PHF19: variants seen among roughly 807,000 people sequenced by gnomAD.
PHF19 encodes the protein PHD finger protein 19.
A neutral mutation model predicts 79.8 loss-of-function variants in PHF19; 21 were observed. That is an observed-to-expected ratio of 0.26 (90% confidence interval 0.19 to 0.38). The LOEUF is 0.38. PHF19 is among the 10% of genes least tolerant of loss of function. PHF19 has a pLI of 1.00. For synonymous variants in PHF19, 273 were observed against 296.3 expected (o/e 0.92, Z 0.81); for missense variants, 445 against 744.2 (o/e 0.60, Z 4.68).
chr9:120,865,662 G>A (rs1210561600), intron 9 of PHF19, 48 bp downstream of exon 9: 1 of 1,611,954 alleles, frequency 6.2e-7, no homozygotes, highest in Non-Finnish European at 8.5e-7. Flanking sequence ...CGTGGCCCTG[G>A]GCAAACCTCT....
chr9:120,884,480 A>G (rs961271948), intron 1 of PHF19, among the ~76,000 whole-genome samples: 1 of 152,212 alleles, frequency 6.6e-6, no homozygotes. Context: ...GAAGGAGACA[A>G]GATATAACCA....
upstream of PHF19, among the ~76,000 whole-genome samples, chr9:120,881,149 G>GTTT (rs1182115413): frequency 3.0e-5 from 4 of 133,660 alleles, no homozygotes; most frequent in South Asian, 2.3e-4. Context: ...TCGGGGGTTT[G>GTTT]TTTTTTTTTT....
At chr9:120,872,152 T>C (rs191026817) in intron 3 of PHF19, among the ~76,000 whole-genome samples, 1 of 149,820 alleles carries the variant, frequency 6.7e-6, no homozygotes, top group African/African-American at 2.5e-5. Flanking sequence ...TTGTTGAATA[T>C]ATGGCCAGGC....
chr9:120,865,961 A>G (rs2045685695), intron 8 of PHF19, 67 bp downstream of exon 8: 3 of 1,556,404 alleles, frequency 1.9e-6, no homozygotes, highest in Non-Finnish European at 2.7e-6. Flanking sequence ...GAATTGTTCC[A>G]GGAGGGAGGA....
At chr9:120,868,519 C>G (rs1378601149) in intron 6 of PHF19, 1 of 152,876 alleles carries the variant, frequency 6.5e-6, no homozygotes, top group Non-Finnish European at 1.5e-5. Context: ...TGGGAGGATT[C>G]GCACTGTGTC....
At chr9:120,894,779 C>G in intron 1 of PHF19, 1 of 1,227,256 alleles carries the variant, frequency 8.1e-7, no homozygotes, top group Non-Finnish European at 1.0e-6. Context: ...GTCGATCTCC[C>G]GGACCCACCT....
In PHF19 at chr9:120,870,507, G is replaced by A; in HGVS notation, c.300C>T (p.Asn100=). ...AGVPGEEPKC[N]ICLGKTSGPL... is the part of the protein sequence containing the mutation. ...GCCCTGATGTCTTCCCTAGGCAGATGTTGCACTTGGGCTCCTCTCCTGGAA... is the reference window on the plus strand; with the variant it reads ...GCCCTGATGTCTTCCCTAGGCAGATATTGCACTTGGGCTCCTCTCCTGGAA... Residue 100 remains asparagine, a synonymous_variant, in exon 4 of 15, where the codon AAC becomes AAT. Coordinates refer to ENST00000373896, the MANE Select transcript of PHF19 (RefSeq NM_015651.3). This position sits in a 1 kb window ranked among gnomAD's most constrained non-coding sequence, Gnocchi z 4.4. 6.2e-7 allele frequency: 1 copy of A among 1,612,614 alleles called. No individual in the cohort carries two copies. Among genetic ancestry groups the A allele is most frequent in the Non-Finnish European group, 8.5e-7 (1 of 1,178,574 alleles).
chr9:120,872,168 C>T (rs574775035), intron 3 of PHF19, among the ~76,000 whole-genome samples: 63 of 150,512 alleles, frequency 4.2e-4, no homozygotes, highest in African/African-American at 1.0e-3. Context: ...CAGGCAGGAA[C>T]GTTGCCTCCT....
the PHF19 span, chr9:120,903,452 T>A: frequency 6.6e-6 from 1 of 152,314 alleles, no homozygotes; most frequent in East Asian, 1.9e-4. Flanking sequence ...CTCCGTCACC[T>A]CCTTTGATCC....
rs2045827773 is a variant in PHF19, at chr9:120,869,617, T to C, written c.465+228A>G. 2 of 1,506,804 alleles carry C rather than the reference T, an allele frequency of 1.3e-6. No homozygotes were observed. The highest frequency in any genetic ancestry group is 1.8e-6 in the Non-Finnish European group (2 of 1,124,722). 93.3% of individuals were successfully genotyped at this position (1,506,804 alleles called of 1,614,324 possible). ...TTTTTTAATAGTAAAGCATCATTTA[T>C]TGGTCCCGTTATTCCCGACACCAAA... On this transcript the variant is annotated intron_variant, in intron 5 of 14. Coordinates refer to ENST00000373896, the MANE Select transcript of PHF19 (RefSeq NM_015651.3). The surrounding 1 kb of genome is among the most constrained non-coding windows in gnomAD (Gnocchi z 5.8).
chr9:120,892,719 T>C (rs2046358574), intron 1 of PHF19, among the ~76,000 whole-genome samples: 1 of 152,216 alleles, frequency 6.6e-6, no homozygotes, highest in Admixed American at 6.5e-5. Context: ...TGACCACTCC[T>C]GTAAAATTTT....
intron 1 of PHF19, among the ~76,000 whole-genome samples, chr9:120,888,215 A>G (rs1327351440): frequency 6.6e-6 from 1 of 152,180 alleles, no homozygotes; most frequent in Non-Finnish European, 1.5e-5. Flanking sequence ...ACCTCAAATG[A>G]TCTGCCCATC....
intron 1 of PHF19, among the ~76,000 whole-genome samples, chr9:120,887,641 C>G (rs948716061): frequency 1.7e-4 from 21 of 124,518 alleles, no homozygotes; most frequent in African/African-American, 6.3e-4. Context: ...CACACACACA[C>G]ACACACACAC....
chr9:120,900,218 C>T, the PHF19 span, among the ~76,000 whole-genome samples: 1 of 152,254 alleles, frequency 6.6e-6, no homozygotes, highest in African/African-American at 2.4e-5. Flanking sequence ...AACTTCTGAC[C>T]TCAGGTTATC....
At chr9:120,881,830 C>T (rs530007230), upstream of PHF19, among the ~76,000 whole-genome samples, 20 of 152,310 alleles carry the variant, frequency 1.3e-4, no homozygotes, top group South Asian at 2.3e-3. Flanking sequence ...GGCACGATCT[C>T]GGCTCACTGC....
chr9:120,887,867 C>T (rs2046288853), intron 1 of PHF19, among the ~76,000 whole-genome samples: 1 of 152,202 alleles, frequency 6.6e-6, no homozygotes, highest in African/African-American at 2.4e-5. Flanking sequence ...CCTAGTGTAT[C>T]TCCCATTGGT....
rs921032349 is a variant in PHF19, at chr9:120,862,864, C to T, written c.969-115G>A. ...CCTCCTTGGACCCAGAGCTAAAATC[C>T]GGATGGTCTCTGCAGATGCTGACTT... On this transcript the variant is annotated intron_variant, in intron 10 of 14. Transcript: ENST00000373896. The surrounding 1 kb of genome is among the most constrained non-coding windows in gnomAD (Gnocchi z 4.6). 1.3e-5 allele frequency: 13 copies of T among 988,698 alleles called. No individual in the cohort carries two copies. Among genetic ancestry groups the T allele is most frequent in the African/African-American group, 3.2e-5 (2 of 62,624 alleles). The allele number at this position is 988,698 out of a possible 1,614,324, so 61.2% of individuals were successfully genotyped here.
In PHF19 at chr9:120,891,062, G is replaced by A. The variant is rs557183030; in HGVS notation, c.42+3726C>T. Among the ~76,000 whole-genome samples, 2 of 152,058 alleles carry A rather than the reference G, an allele frequency of 1.3e-5. No individual in the cohort carries two copies. Among genetic ancestry groups the A allele is most frequent in the Admixed American group, 6.5e-5 (1 of 15,276 alleles). Reference sequence around the variant, plus strand: ...TTGATGGGGATTTTCCTTCCCCTTCGTCATGTGGCTGGATGGTCCTTATTC... The same window carrying A: ...TTGATGGGGATTTTCCTTCCCCTTCATCATGTGGCTGGATGGTCCTTATTC... On this transcript the variant is annotated intron_variant, in intron 1 of 14. Transcript: ENST00000616568. This position sits in a 1 kb window ranked among gnomAD's most constrained non-coding sequence, Gnocchi z 4.3.
chr9:120,889,916 A>C (rs1007715914), intron 1 of PHF19, among the ~76,000 whole-genome samples: 2 of 152,160 alleles, frequency 1.3e-5, no homozygotes, highest in African/African-American at 4.8e-5. Context: ...ACTTGGACTT[A>C]GAATCTGGAC....
Sources: gnomAD v4.1 joint callset for allele counts (sites outside exome capture counted in the v4.1 genomes callset) on GRCh38, gnomAD v4.1.1 for gene constraint, Gnocchi (gnomAD v3.1) non-coding constraint, MANE v1.5 for transcripts, NCBI Gene and HGNC (gene_info 2026-07-23, HGNC 2026-07-21) for gene names.